DYNC1H1: variants seen among roughly 807,000 people sequenced by gnomAD.
DYNC1H1 encodes dynein cytoplasmic 1 heavy chain 1.
A neutral mutation model predicts 527.1 loss-of-function variants in DYNC1H1; 51 were observed. That is an observed-to-expected ratio of 0.10 (90% CI 0.08 to 0.12). DYNC1H1 has a LOEUF of 0.12. Ranked by LOEUF, DYNC1H1 falls within the 10% of genes least tolerant of loss-of-function variation. The pLI, the probability that DYNC1H1 is intolerant of heterozygous loss-of-function variation, is 1.00. For missense variants in DYNC1H1, 2,771 were observed against 5,971.8 expected (o/e 0.46, Z 17.66); for synonymous variants, 2,189 against 2,278.8 (o/e 0.96, Z 1.12).
intron 62 of DYNC1H1, 60 bp from the exon 63 acceptor site, chr14:102,040,176 T>C (rs2048629127): frequency 1.9e-6 from 3 of 1,602,066 alleles, no homozygotes; most frequent in Non-Finnish European, 2.6e-6. Flanking sequence ...ACAGCTGTTA[T>C]CTTAGTGACA....
rs776907837 is a variant in DYNC1H1, at chr14:102,049,894, C to G, written c.13684+12C>G. On this transcript the variant is annotated intron_variant, in intron 76 of 77. Transcript: ENST00000360184. The surrounding 1 kb of genome is among the most constrained non-coding windows in gnomAD (Gnocchi z 5.5). ...CTTCGGAGTCACGGGTGAGTGGAGT[C>G]TCACAGAAAATACTGGCTCTTTGCA... The G allele has an allele frequency of 3.8e-6, 6 of 1,597,196 alleles. No individual in the cohort carries two copies. The highest frequency in any genetic ancestry group is 5.1e-6 in the Non-Finnish European group (6 of 1,176,128).
In DYNC1H1 at chr14:102,041,595, A is replaced by G; in HGVS notation, c.11963A>G (p.His3988Arg). ...TCAGCACCCATTGGCCAGGCCATCC[A>G]CCGCCTGCTCCTGATCCAGGCTTTC... ...TPATPIGQAI[H>R]RLLLIQAFRP... The change falls in exon 65 of 78, where the codon CAC becomes CGC. Residue 3988 changes from histidine (H) to arginine (R), a missense_variant. Transcript: ENST00000360184. The surrounding 1 kb of genome is among the most constrained non-coding windows in gnomAD (Gnocchi z 4.5). 6.2e-7 allele frequency: 1 copy of G among 1,613,868 alleles called. No homozygotes were observed. Among genetic ancestry groups the G allele is most frequent in the Non-Finnish European group, 8.5e-7 (1 of 1,179,988 alleles).
rs202053613 is a variant in DYNC1H1, at chr14:102,029,634, C to T, written c.9564C>T (p.His3188=). The part of the protein sequence containing the change: ...DFINHYANLF[H]EKRSELEEQQ... ...TCAATCACTATGCCAACCTGTTCCA[C>T]GAGAAGCGGAGCGAGCTGGAGGAGC... The change falls in exon 49 of 78, where the codon CAC becomes CAT. Residue 3188 remains histidine (H), a synonymous_variant. Coordinates refer to ENST00000360184, the MANE Select transcript of DYNC1H1 (RefSeq NM_001376.5). This position sits in a 1 kb window ranked among gnomAD's most constrained non-coding sequence, Gnocchi z 5.3. 27 of 1,614,214 alleles carry T rather than the reference C, an allele frequency of 1.7e-5. No individual in the cohort carries two copies. Among genetic ancestry groups the T allele is most frequent in the African/African-American group, 9.3e-5 (7 of 75,058 alleles).
chr14:102,004,438 C>A (rs2048173640), intron 23 of DYNC1H1, 80 bp from the exon 24 acceptor site: 2 of 1,469,398 alleles, frequency 1.4e-6, no homozygotes, highest in Non-Finnish European at 9.2e-7. Context: ...CTTTCCCTTC[C>A]TGCAGTTTGA....
chr14:102,016,089 C>A lies in DYNC1H1; in HGVS notation c.7473+3C>A. On this transcript the variant is annotated splice_donor_region_variant and intron_variant, in intron 36 of 77. Coordinates refer to ENST00000360184, the MANE Select transcript of DYNC1H1 (RefSeq NM_001376.5). This position sits in a 1 kb window ranked among gnomAD's most constrained non-coding sequence, Gnocchi z 7.3. ...AGCAGCTGGAGCGCTACATTCAGGTCAGGGGGCATCAGGGGCTTCACAGAG... is the reference window on the plus strand; with the variant it reads ...AGCAGCTGGAGCGCTACATTCAGGTAAGGGGGCATCAGGGGCTTCACAGAG... 3 of 1,596,254 alleles carry A rather than the reference C, an allele frequency of 1.9e-6. No individual in the cohort carries two copies. Among genetic ancestry groups the A allele is most frequent in the Non-Finnish European group, 2.6e-6 (3 of 1,172,096 alleles).
At position 102,041,538 on chromosome 14, in the gene DYNC1H1, T is replaced by C. The variant is rs777302411; in HGVS notation, c.11942-36T>C. The C allele has an allele frequency of 1.1e-5, 17 of 1,612,844 alleles. 1 individual carries two copies. Among genetic ancestry groups the C allele is most frequent in the Middle Eastern group, 1.8e-4 (1 of 5,442 alleles). ...GGGGAGGGCGTCTCTGAGTCCATGC[T>C]TCCACCCAGCACCCACCCCTCTGTA... On this transcript the variant is annotated intron_variant, in intron 64 of 77. Transcript: ENST00000360184. This position sits in a 1 kb window ranked among gnomAD's most constrained non-coding sequence, Gnocchi z 4.5.
chr14:102,041,044 G>A lies in DYNC1H1; in HGVS notation c.11941+371G>A, dbSNP rs2048643295. On this transcript the variant is annotated intron_variant, in intron 64 of 77. Coordinates refer to ENST00000360184, the MANE Select transcript of DYNC1H1 (RefSeq NM_001376.5). This position sits in a 1 kb window ranked among gnomAD's most constrained non-coding sequence, Gnocchi z 4.5. ...ACTTAGGGAGATCGCTTCTAGGTAGGTGTTGGCTTAGAAGTAAATCAGAAA... is the reference window on the plus strand; with the variant it reads ...ACTTAGGGAGATCGCTTCTAGGTAGATGTTGGCTTAGAAGTAAATCAGAAA... The A allele has an allele frequency of 2.7e-6, 1 of 367,242 alleles. No homozygotes were observed. Among genetic ancestry groups the A allele is most frequent in the African/African-American group, 2.1e-5 (1 of 47,932 alleles). 22.7% of individuals were successfully genotyped at this position (367,242 alleles called of 1,614,324 possible).
chr14:102,028,481 A>G (rs553538346), intron 48 of DYNC1H1: 2 of 360,048 alleles, frequency 5.6e-6, no homozygotes, highest in South Asian at 2.2e-5. Context: ...CGGCACTGCA[A>G]TCCAGCCTGG....
chr14:101,988,068 C>T (rs373430545), intron 9 of DYNC1H1, among the ~76,000 whole-genome samples: 1 of 151,894 alleles, frequency 6.6e-6, no homozygotes, highest in Non-Finnish European at 1.5e-5. Flanking sequence ...GACCCTGTCA[C>T]ACACACACAC....
At position 102,041,717 on chromosome 14, in the gene DYNC1H1, C is replaced by T; in HGVS notation, c.12085C>T (p.His4029Tyr). Residue 4029 changes from histidine to tyrosine, a missense_variant, in exon 65 of 78, where the codon CAC becomes TAC. Physicochemically the swap from His to Tyr is moderately conservative, Grantham distance 83. Coordinates refer to ENST00000360184, the MANE Select transcript of DYNC1H1 (RefSeq NM_001376.5). The surrounding 1 kb of genome is among the most constrained non-coding windows in gnomAD (Gnocchi z 4.5). Reference protein sequence around the residue: ...SIMEQPLDLTHIVGTEVKPNT... With the variant: ...SIMEQPLDLTYIVGTEVKPNT... The stretch of plus-strand genomic sequence containing the variant: ...CATGGAGCAGCCGCTCGACCTGACC[C>T]ACATTGTGGGCACAGAGGTAATGTC... The T allele has an allele frequency of 6.2e-7, 1 of 1,614,190 alleles. No individual in the cohort carries two copies. The highest frequency in any genetic ancestry group is 1.1e-5 in the South Asian group (1 of 91,090).
chr14:101,976,197 G>A (rs528330302), intron 2 of DYNC1H1, among the ~76,000 whole-genome samples: 16 of 149,464 alleles, frequency 1.1e-4, no homozygotes, highest in East Asian at 2.1e-4. Flanking sequence ...GTGAGCCACC[G>A]TGCCCAGCCT....
At chr14:102,014,900 C>G (rs982398607) in intron 34 of DYNC1H1, among the ~76,000 whole-genome samples, 3 of 152,252 alleles carry the variant, frequency 2.0e-5, no homozygotes, top group African/African-American at 4.8e-5. Context: ...ACTGCAGCCT[C>G]CACCTCCCAG....
chr14:101,990,738 C>A (rs1366397731), intron 10 of DYNC1H1, among the ~76,000 whole-genome samples: 1 of 151,874 alleles, frequency 6.6e-6, no homozygotes, highest in Non-Finnish European at 1.5e-5. Context: ...AGGCCGGGCG[C>A]GGTGGCTCAT....
Position 102,020,203 on chromosome 14 carries a change from GC to G in DYNC1H1, c.8507+149del. The stretch of plus-strand genomic sequence containing the variant: ...GGAAGGAGCAGAGTCAGCCAGGGCA[GC>G]CTCCCGTCTGGACACTGGTCACAGT... On this transcript the variant is annotated intron_variant, in intron 42 of 77. Transcript: ENST00000360184. This position sits in a 1 kb window ranked among gnomAD's most constrained non-coding sequence, Gnocchi z 4.3. 1.8e-6 allele frequency: 2 copies of G among 1,141,920 alleles called. No individual in the cohort carries two copies. The highest frequency in any genetic ancestry group is 2.5e-6 in the Non-Finnish European group (2 of 789,160). The allele number at this position is 1,141,920 out of a possible 1,614,324, so 70.7% of individuals were successfully genotyped here.
At chr14:102,031,740 A>C (rs2048513220) in intron 51 of DYNC1H1, among the ~76,000 whole-genome samples, 1 of 152,164 alleles carries the variant, frequency 6.6e-6, no homozygotes, top group Non-Finnish European at 1.5e-5. Context: ...GGATCACCTG[A>C]GGTCGGGAGT....
At chr14:102,050,381 T>A in intron 77 of DYNC1H1, 54 bp from the exon 78 acceptor site, 1 of 1,614,104 alleles carries the variant, frequency 6.2e-7, no homozygotes, top group Non-Finnish European at 8.5e-7. Flanking sequence ...CGGGCAGTCT[T>A]CCAGTTTTCT....
Position 101,975,633 on chromosome 14 carries a change from ATAGT to A in DYNC1H1, c.257-78_257-75del, listed in dbSNP as rs2047792138. 4 of 1,329,284 alleles carry A rather than the reference ATAGT, an allele frequency of 3.0e-6. No individual in the cohort carries two copies. The Admixed American group carries it at 5.2e-5, about 17-fold the overall frequency. 82.3% of individuals were successfully genotyped at this position (1,329,284 alleles called of 1,614,324 possible). ...ATGTCAGGCTGGGAGTAGGGAGAAAATAGTCATTGTCTAAGCAGTTGATAAATAA... is the reference window on the plus strand; with the variant it reads ...ATGTCAGGCTGGGAGTAGGGAGAAAACATTGTCTAAGCAGTTGATAAATAA... On this transcript the variant is annotated intron_variant, in intron 1 of 77. Transcript: ENST00000360184.
chr14:102,026,756 GAGTA>G (rs2048455851), intron 44 of DYNC1H1, 49 bp downstream of exon 44: 2 of 1,600,724 alleles, frequency 1.2e-6, no homozygotes, highest in Non-Finnish European at 1.7e-6. Context: ...AGCTGCTCTT[GAGTA>G]AGTGTGTGTG....
Position 102,039,721 on chromosome 14 carries a change from G to A in DYNC1H1, c.11679G>A (p.Lys3893=), listed in dbSNP as rs772381929. 1 of 1,614,204 alleles carries A rather than the reference G, an allele frequency of 6.2e-7. No individual in the cohort carries two copies. The highest frequency in any genetic ancestry group is 2.2e-5 in the East Asian group (1 of 44,884). Residue 3893 remains lysine, a synonymous_variant, in exon 62 of 78, where the codon AAG becomes AAA. Coordinates refer to ENST00000360184, the MANE Select transcript of DYNC1H1 (RefSeq NM_001376.5). The surrounding 1 kb of genome is among the most constrained non-coding windows in gnomAD (Gnocchi z 7.0). ...FAMLLARIKL[K]GTVGEPTYDA... ...TGCTGCTGGCAAGAATCAAACTGAA[G>A]GGCACCGTGGGGTAAGAGCACTCAC... is the stretch of plus-strand genomic sequence containing the variant.
Sources: allele counts gnomAD v4.1 joint callset (sites outside exome capture counted in the v4.1 genomes callset), GRCh38; gene constraint gnomAD v4.1.1; non-coding constraint Gnocchi (gnomAD v3.1); transcripts MANE v1.5; gene names NCBI Gene and HGNC (gene_info 2026-07-23, HGNC 2026-07-21).